The following HIVEP2 variants were observed in gnomAD, a reference collection of about 807,000 sequenced individuals.
HIVEP2 encodes HIVEP zinc finger 2.
In HIVEP2, 14 loss-of-function variants were observed where a neutral mutation model predicts 180.7. The ratio of observed to expected loss-of-function variants is 0.08; its 90% CI spans 0.05 to 0.12. The LOEUF (loss-of-function observed/expected upper bound fraction) is 0.12, where lower values mean the gene tolerates loss of function less well. Among genes scored for constraint, HIVEP2 ranks in the 10% least tolerant of loss-of-function variants. The pLI, the probability that HIVEP2 is intolerant of heterozygous loss-of-function variation, is 1.00. For missense variants in HIVEP2, 2,579 were observed against 3,008.5 expected (o/e 0.86, Z 3.34); for synonymous variants, 1,184 against 1,136.4 (o/e 1.04, Z -0.84).
At chr6:142,863,992 A>G (rs551260221) in intron 1 of HIVEP2, among the ~76,000 whole-genome samples, 60 of 152,294 alleles carry the variant, frequency 3.9e-4, no homozygotes, top group Non-Finnish European at 7.4e-4. Context: ...GATCGTGTTA[A>G]GAGGATATGT....
intron 3 of HIVEP2, among the ~76,000 whole-genome samples, chr6:142,782,476 A>G (rs898496846): frequency 6.6e-6 from 1 of 152,226 alleles, no homozygotes; most frequent in African/African-American, 2.4e-5. Context: ...GCCAGAGTCC[A>G]GCTGAATAAA....
intron 2 of HIVEP2, among the ~76,000 whole-genome samples, chr6:142,817,771 C>T (rs986386861): frequency 4.6e-5 from 7 of 152,116 alleles, no homozygotes; most frequent in East Asian, 1.9e-4. Flanking sequence ...CAATTCCCAA[C>T]GCTTTGGGAG....
intron 1 of HIVEP2, among the ~76,000 whole-genome samples, chr6:142,871,869 C>G (rs1776297372): frequency 1.3e-5 from 2 of 152,088 alleles, no homozygotes; most frequent in Non-Finnish European, 2.9e-5. Context: ...GACAAGCCAC[C>G]CTAAATTCAG....
intron 1 of HIVEP2, among the ~76,000 whole-genome samples, chr6:142,890,640 T>A (rs1202289492): frequency 1.3e-5 from 2 of 152,164 alleles, no homozygotes; most frequent in African/African-American, 4.8e-5. Context: ...TCACCTGACC[T>A]CCTATCTGTC....
At position 142,752,148 on chromosome 6, in the gene HIVEP2, A is replaced by G. The variant is rs995083339; in HGVS notation, c.*959T>C. The G allele has an allele frequency of 6.6e-6, 1 of 152,650 alleles. No homozygotes were observed. Among genetic ancestry groups the G allele is most frequent in the African/African-American group, 2.4e-5 (1 of 41,458 alleles). The allele number at this position is 152,650 out of a possible 1,614,324, so 9.5% of individuals were successfully genotyped here. Reference sequence around the variant, plus strand: ...ACCTAGCATAGGTCTGTGGCAACCTAGTGTCCAACTGAGTTACATAAAATT... The same window carrying G: ...ACCTAGCATAGGTCTGTGGCAACCTGGTGTCCAACTGAGTTACATAAAATT... On this transcript the variant is annotated 3_prime_UTR_variant, in exon 10 of 10. Coordinates refer to ENST00000367603, the MANE Select transcript of HIVEP2 (RefSeq NM_006734.4).
chr6:142,815,895 G>A (rs1478638063), intron 2 of HIVEP2, among the ~76,000 whole-genome samples: 2 of 152,142 alleles, frequency 1.3e-5, no homozygotes, highest in African/African-American at 4.8e-5. Context: ...AAGTTTTGGG[G>A]ACATAATAGA....
chr6:142,937,756 C>T lies in HIVEP2; in HGVS notation c.-641+7343G>A, dbSNP rs144785561. Among the ~76,000 whole-genome samples, 641 of 152,310 alleles carry T rather than the reference C, an allele frequency of 4.2e-3. 7 individuals carry two copies. Among genetic ancestry groups the T allele is most frequent in the African/African-American group, 0.015 (604 of 41,550 alleles). ...ACCCTGAGTTGGAATCCTGCTTCAC[C>T]AATGACTAGCAAAGCATCCCCACAA... On this transcript the variant is annotated intron_variant, in intron 1 of 9. Coordinates refer to ENST00000367603, the MANE Select transcript of HIVEP2 (RefSeq NM_006734.4).
chr6:142,813,811 C>T (rs140555618), intron 2 of HIVEP2, among the ~76,000 whole-genome samples: 194 of 152,040 alleles, frequency 1.3e-3, no homozygotes, highest in East Asian at 0.011. Context: ...AAGGATCCTT[C>T]TGCCTCAGCC....
intron 9 of HIVEP2, among the ~76,000 whole-genome samples, chr6:142,755,897 C>T (rs373919904): frequency 6.6e-6 from 1 of 152,068 alleles, no homozygotes; most frequent in African/African-American, 2.4e-5. Flanking sequence ...TCTCATTCAC[C>T]CCTTCTTCAT....
rs182359157 is a variant in HIVEP2, at chr6:142,822,351, T to C, written c.-528+14584A>G. 9.7e-4 allele frequency among the ~76,000 whole-genome samples: 147 copies of C among 152,326 alleles called. 2 individuals are homozygous for C. Among genetic ancestry groups the C allele is most frequent in the Non-Finnish European group, 1.5e-4 (10 of 68,020 alleles). On this transcript the variant is annotated intron_variant, in intron 2 of 9. Coordinates refer to ENST00000367603, the MANE Select transcript of HIVEP2 (RefSeq NM_006734.4). ...TTCAAAGCAAACTTGTTGATAGTAA[T>C]ATACATAATTCTTTATTAATAATTA...
intron 1 of HIVEP2, among the ~76,000 whole-genome samples, chr6:142,922,158 T>C (rs1777698502): frequency 6.6e-6 from 1 of 152,188 alleles, no homozygotes; most frequent in African/African-American, 2.4e-5. Flanking sequence ...CTAAGCTCTT[T>C]AAAATTCCCC....
chr6:142,796,969 T>C (rs748518895), intron 2 of HIVEP2, among the ~76,000 whole-genome samples: 1 of 152,176 alleles, frequency 6.6e-6, no homozygotes. Flanking sequence ...GATTTAATAC[T>C]GCATCTTTAC....
chr6:142,839,939 G>A (rs1775321132), intron 1 of HIVEP2, among the ~76,000 whole-genome samples: 1 of 152,128 alleles, frequency 6.6e-6, no homozygotes, highest in Non-Finnish European at 1.5e-5. Flanking sequence ...GCATCGTAGA[G>A]CCACTGTGCC....
intron 9 of HIVEP2, among the ~76,000 whole-genome samples, chr6:142,759,415 T>C (rs1276265625): frequency 6.6e-6 from 1 of 152,206 alleles, no homozygotes; most frequent in Non-Finnish European, 1.5e-5. Flanking sequence ...TGCCTAAATG[T>C]CCCTGTGAGT....
At position 142,774,021 on chromosome 6, in the gene HIVEP2, C is replaced by T. The variant is rs1328998203; in HGVS notation, c.718G>A (p.Ala240Thr). ...SNLYKHRKSH[A>T]HAIKAGLVPF... ...ACTAATCCTGCCTTAATTGCATGGG[C>T]ATGTGACTTCCTGTGCTTGTACAAA... is the stretch of plus-strand genomic sequence containing the variant. Residue 240 changes from alanine to threonine, a missense_variant, in exon 5 of 10, where the codon GCC (alanine) becomes ACC (threonine). By Grantham distance (58) the Ala-to-Thr change is moderately conservative. Transcript: ENST00000367603. The surrounding 1 kb of genome is among the most constrained non-coding windows in gnomAD (Gnocchi z 5.1). 1 of 1,614,232 alleles carries T rather than the reference C, an allele frequency of 6.2e-7. No homozygotes were observed. The highest frequency in any genetic ancestry group is 2.2e-5 in the East Asian group (1 of 44,884).
intron 9 of HIVEP2, among the ~76,000 whole-genome samples, 174 bp downstream of exon 9, chr6:142,759,598 G>A (rs992384684): frequency 2.0e-5 from 3 of 152,200 alleles, no homozygotes; most frequent in African/African-American, 7.2e-5. Flanking sequence ...TAATGCCACA[G>A]CCATGTTACT....
chr6:142,825,612 T>G (rs1774869296), intron 2 of HIVEP2, among the ~76,000 whole-genome samples: 1 of 152,230 alleles, frequency 6.6e-6, no homozygotes. Flanking sequence ...TTTTATACAT[T>G]ATTATAAAAA....
chr6:142,795,569 A>G (rs2114739171), intron 2 of HIVEP2, among the ~76,000 whole-genome samples: 1 of 152,326 alleles, frequency 6.6e-6, no homozygotes, highest in South Asian at 2.1e-4. Context: ...ATTTTATTGC[A>G]GCTTCTGCTC....
At chr6:142,840,496 C>A (rs1394651444) in intron 1 of HIVEP2, among the ~76,000 whole-genome samples, 1 of 152,050 alleles carries the variant, frequency 6.6e-6, no homozygotes, top group Non-Finnish European at 1.5e-5. Context: ...AAATTTTAAT[C>A]TATTATTTGT....
Sources: gnomAD v4.1 joint callset for allele counts (sites outside exome capture counted in the v4.1 genomes callset) on GRCh38, gnomAD v4.1.1 for gene constraint, Gnocchi (gnomAD v3.1) non-coding constraint, MANE v1.5 for transcripts, NCBI Gene and HGNC (gene_info 2026-07-23, HGNC 2026-07-21) for gene names.